The following SNX30 variants were observed in gnomAD, a reference collection of about 807,000 sequenced individuals.
The protein encoded by SNX30 is sorting nexin family member 30, also known as sorting nexin-30.
SNX30 carries 24 observed loss-of-function variants against 46.4 expected under a neutral mutation model. The ratio of observed to expected loss-of-function variants is 0.52; its 90% CI spans 0.37 to 0.73. The LOEUF is 0.73. Ranked by LOEUF, SNX30 falls within the 30% of genes least tolerant of loss-of-function variation. SNX30 has a pLI of 0.00. For synonymous variants in SNX30, 189 were observed against 211.5 expected (o/e 0.89, Z 0.92); for missense variants, 533 against 555.7 (o/e 0.96, Z 0.41).
chr9:112,822,314 A>G (rs1345668659), intron 3 of SNX30, among the ~76,000 whole-genome samples: 1 of 152,038 alleles, frequency 6.6e-6, no homozygotes, highest in African/African-American at 2.4e-5. Flanking sequence ...GTTTTTCTTC[A>G]TTATGTAATA....
chr9:112,863,604 A>G (rs573681471), intron 7 of SNX30, among the ~76,000 whole-genome samples: 1 of 152,242 alleles, frequency 6.6e-6, no homozygotes, highest in Non-Finnish European at 1.5e-5. Flanking sequence ...TTTGACATGC[A>G]TAAGTAACTT....
chr9:112,866,679 C>G (rs1354830010), intron 8 of SNX30, among the ~76,000 whole-genome samples: 1 of 151,908 alleles, frequency 6.6e-6, no homozygotes, highest in East Asian at 1.9e-4. Context: ...CTCTCCTCCT[C>G]CCTCCTCAGA....
intron 7 of SNX30, among the ~76,000 whole-genome samples, chr9:112,857,675 C>A (rs1025548862): frequency 3.3e-5 from 5 of 152,124 alleles, no homozygotes; most frequent in Admixed American, 2.0e-4. Context: ...CATCTCCAAC[C>A]CAGCTCCAAG....
intron 1 of SNX30, among the ~76,000 whole-genome samples, chr9:112,778,567 CG>C (rs1195675941): frequency 6.6e-6 from 1 of 152,152 alleles, no homozygotes; most frequent in Admixed American, 6.5e-5. Flanking sequence ...CCACTGCGCC[CG>C]GCCCGGCCAT....
At chr9:112,776,886 G>A (rs1839756458) in intron 1 of SNX30, among the ~76,000 whole-genome samples, 1 of 152,196 alleles carries the variant, frequency 6.6e-6, no homozygotes, top group Non-Finnish European at 1.5e-5. Context: ...AGAATTTCAT[G>A]CTCTTCCCAC....
At chr9:112,819,185 A>T (rs1407393786) in intron 3 of SNX30, among the ~76,000 whole-genome samples, 1 of 152,152 alleles carries the variant, frequency 6.6e-6, no homozygotes, top group African/African-American at 2.4e-5. Context: ...CTTTTGTCAA[A>T]ATGAACCAGT....
chr9:112,861,473 A>G (rs1361733083), intron 7 of SNX30, among the ~76,000 whole-genome samples: 1 of 152,190 alleles, frequency 6.6e-6, no homozygotes, highest in East Asian at 1.9e-4. Flanking sequence ...CCCAGGCCAC[A>G]CACCTGGTAA....
rs1345366191 is a variant in SNX30, at chr9:112,836,388, C to T, written c.793C>T (p.Arg265Trp). ...GGGAACCATTGATCGAATAGCCCAG[C>T]GGATCATCAAAGAAGAAATAGGTGA... ...KLGTIDRIAQRIIKEEIEYLV... is the reference protein window; with the variant it reads ...KLGTIDRIAQWIIKEEIEYLV... Residue 265 changes from arginine to tryptophan, a missense_variant, in exon 5 of 9, where the codon CGG becomes TGG. Arg to Trp is a moderately radical substitution (Grantham distance 101, BLOSUM62 -3). Transcript: ENST00000374232. 1.0e-5 allele frequency: 16 copies of T among 1,596,114 alleles called. No homozygotes were observed. The highest frequency in any genetic ancestry group is 1.2e-5 in the Non-Finnish European group (14 of 1,164,722).
intron 1 of SNX30, among the ~76,000 whole-genome samples, chr9:112,768,711 C>T (rs1409143204): frequency 1.6e-5 from 2 of 122,818 alleles, no homozygotes; most frequent in East Asian, 5.4e-4. Flanking sequence ...GGCTAGAGTG[C>T]AATGGTACGA....
intron 3 of SNX30, among the ~76,000 whole-genome samples, chr9:112,825,634 TATAGAC>T (rs1230041476): frequency 6.6e-6 from 1 of 152,062 alleles, no homozygotes; most frequent in Non-Finnish European, 1.5e-5. Flanking sequence ...CTAAACGTTA[TATAGAC>T]ATTCTACCTG....
At chr9:112,856,982 A>C (rs948243291) in intron 7 of SNX30, among the ~76,000 whole-genome samples, 5 of 152,186 alleles carry the variant, frequency 3.3e-5, no homozygotes, top group African/African-American at 1.2e-4. Context: ...TGCCAAAGTC[A>C]ACAAATGGTG....
rs769971176 is a variant in SNX30, at chr9:112,874,553, T to C, written c.*5710T>C. 6 of 152,244 alleles carry C rather than the reference T, an allele frequency of 3.9e-5. No homozygotes were observed. Among genetic ancestry groups the C allele is most frequent in the Non-Finnish European group, 8.8e-5 (6 of 68,048 alleles). 9.4% of individuals were successfully genotyped at this position (152,244 alleles called of 1,614,324 possible). Reference sequence around the variant, plus strand: ...AAATAAAAACCTTCTGAGGTATTGATGTAGTCCACCGTGTAAATGTTACCT... The same window carrying C: ...AAATAAAAACCTTCTGAGGTATTGACGTAGTCCACCGTGTAAATGTTACCT... On this transcript the variant is annotated 3_prime_UTR_variant, in exon 9 of 9. Coordinates refer to ENST00000374232, the MANE Select transcript of SNX30 (RefSeq NM_001012994.2).
At chr9:112,828,756 G>A (rs10122712) in intron 3 of SNX30, among the ~76,000 whole-genome samples, 114,957 of 152,090 alleles carry the variant, frequency 0.76, 44,079 homozygotes, top group South Asian at 0.86. Context: ...TATGTAATAC[G>A]CTCTTTTATT....
chr9:112,838,350 G>A (rs949480777), intron 5 of SNX30, 148 bp from the exon 6 acceptor site: 1 of 612,150 alleles, frequency 1.6e-6, no homozygotes, highest in East Asian at 2.8e-5. Flanking sequence ...AAACAGTGTT[G>A]TGTTTAAAGA....
chr9:112,819,224 A>G (rs1840452390), intron 3 of SNX30, among the ~76,000 whole-genome samples: 1 of 151,726 alleles, frequency 6.6e-6, no homozygotes, highest in African/African-American at 2.4e-5. Context: ...ATTATTAACT[A>G]AAAGTCTTTT....
intron 1 of SNX30, among the ~76,000 whole-genome samples, chr9:112,768,816 T>C (rs1813795230): frequency 2.0e-5 from 3 of 151,832 alleles, no homozygotes; most frequent in Non-Finnish European, 4.4e-5. Context: ...GCCACCACGC[T>C]GGCTAATTTT....
At chr9:112,846,478 TCA>T (rs1840941689) in intron 6 of SNX30, among the ~76,000 whole-genome samples, 1 of 152,224 alleles carries the variant, frequency 6.6e-6, no homozygotes, top group Admixed American at 6.5e-5. Context: ...TAACCTGAAC[TCA>T]GTCATTTAAC....
At chr9:112,857,076 AG>A (rs1292876166) in intron 7 of SNX30, among the ~76,000 whole-genome samples, 1 of 152,144 alleles carries the variant, frequency 6.6e-6, no homozygotes, top group Non-Finnish European at 1.5e-5. Flanking sequence ...GTGCTCCCTG[AG>A]GGGGCGCCCT....
At chr9:112,768,640 C>CTTTCTTCTT (rs1564261977) in intron 1 of SNX30, among the ~76,000 whole-genome samples, 3 of 5,238 alleles carry the variant, frequency 5.7e-4, no homozygotes, top group Non-Finnish European at 6.3e-4. Flanking sequence ...CTAGATAATT[C>CTTTCTTCTT]TTTCTTCTTT....
Sources: gnomAD v4.1 joint callset for allele counts (sites outside exome capture counted in the v4.1 genomes callset) on GRCh38, gnomAD v4.1.1 for gene constraint, MANE v1.5 for transcripts, NCBI Gene and HGNC (gene_info 2026-07-23, HGNC 2026-07-21) for gene names.